Variants in SYT1 observed in about 807,000 individuals in gnomAD.
SYT1 encodes the protein synaptotagmin 1.
SYT1 carries 8 observed loss-of-function variants against 44.8 expected under a neutral mutation model. The ratio of observed to expected loss-of-function variants is 0.18; its 90% CI spans 0.10 to 0.32. The LOEUF is 0.32. SYT1 is among the 10% of genes least tolerant of loss of function. SYT1 has a pLI of 1.00. For synonymous variants in SYT1, 154 were observed against 188.8 expected (o/e 0.82, Z 1.51); for missense variants, 286 against 509.3 (o/e 0.56, Z 4.22).
In SYT1 at chr12:79,018,374, AGGAGATATACCTAAT is replaced by A. The variant is rs1286294908; in HGVS notation, c.-83-28921_-83-28907del. On this transcript the variant is annotated intron_variant, in intron 2 of 10. Coordinates refer to ENST00000261205, the MANE Select transcript of SYT1 (RefSeq NM_005639.3). ...TAGGGGAGGGGGGAGGGATAGCATT[AGGAGATATACCTAAT>A]GCTAAACACGAGTTAATGGGTGCAG... Among the ~76,000 whole-genome samples, 25 of 151,886 alleles carry A rather than the reference AGGAGATATACCTAAT, an allele frequency of 1.6e-4. No homozygotes were observed. In the Middle Eastern group the frequency reaches 0.014, roughly 83 times the overall value.
At chr12:79,373,118 T>C (rs753678989) in intron 9 of SYT1, among the ~76,000 whole-genome samples, 4 of 152,138 alleles carry the variant, frequency 2.6e-5, no homozygotes, top group South Asian at 2.1e-4. Context: ...TCTCTTTTCA[T>C]CAAAAAAAGT....
chr12:79,061,052 C>A (rs1875345547), intron 3 of SYT1, among the ~76,000 whole-genome samples: 1 of 151,954 alleles, frequency 6.6e-6, no homozygotes, highest in Admixed American at 6.6e-5. Flanking sequence ...TAAAAATTGC[C>A]ATTTCTCTAA....
intron 9 of SYT1, among the ~76,000 whole-genome samples, chr12:79,394,693 C>T (rs1884801889): frequency 6.6e-6 from 1 of 152,132 alleles, no homozygotes. Flanking sequence ...CAGCTCACAT[C>T]AATAAAATAT....
At chr12:79,072,373 A>G (rs1040226499) in intron 3 of SYT1, among the ~76,000 whole-genome samples, 2 of 152,280 alleles carry the variant, frequency 1.3e-5, no homozygotes, top group African/African-American at 2.4e-5. Context: ...TAATGTGAAT[A>G]TAATAAACTT....
At chr12:79,298,984 C>T (rs935487618) in intron 7 of SYT1, among the ~76,000 whole-genome samples, 46 of 152,054 alleles carry the variant, frequency 3.0e-4, no homozygotes, top group Admixed American at 2.7e-3. Context: ...TTATTTGCCC[C>T]TCAGTAAGTT....
intron 4 of SYT1, among the ~76,000 whole-genome samples, chr12:79,266,764 A>C (rs1878151994): frequency 6.6e-6 from 1 of 152,204 alleles, no homozygotes; most frequent in Non-Finnish European, 1.5e-5. Context: ...AAACTGATTG[A>C]CAAAAACAGA....
intron 4 of SYT1, among the ~76,000 whole-genome samples, chr12:79,278,372 A>G (rs1391765586): frequency 3.3e-5 from 5 of 152,142 alleles, no homozygotes; most frequent in African/African-American, 9.6e-5. Context: ...TCTCAAAACT[A>G]TAAAAAACAC....
chr12:78,959,784 C>T (rs1257632486), intron 1 of SYT1, among the ~76,000 whole-genome samples: 3 of 151,982 alleles, frequency 2.0e-5, no homozygotes, highest in East Asian at 1.9e-4. Flanking sequence ...GGGAGGAACT[C>T]GGTGGAAAAG....
At chr12:78,966,351 T>C (rs1416597484) in intron 1 of SYT1, among the ~76,000 whole-genome samples, 5 of 152,132 alleles carry the variant, frequency 3.3e-5, no homozygotes, top group African/African-American at 1.2e-4. Flanking sequence ...AACTCTAAGA[T>C]TGGTACCCTT....
chr12:78,944,233 A>G (rs1007502445), intron 1 of SYT1, among the ~76,000 whole-genome samples: 3 of 116,492 alleles, frequency 2.6e-5, no homozygotes, highest in African/African-American at 8.9e-5. Flanking sequence ...GTAAATTGGC[A>G]AGTACCATGC....
intron 3 of SYT1, among the ~76,000 whole-genome samples, chr12:79,069,082 A>G (rs1173123169): frequency 6.6e-6 from 1 of 152,180 alleles, no homozygotes; most frequent in African/African-American, 2.4e-5. Flanking sequence ...AGTTCAATAA[A>G]GGAAAGGCAG....
intron 1 of SYT1, among the ~76,000 whole-genome samples, chr12:78,949,440 TAGA>T (rs1878846243): frequency 6.6e-6 from 1 of 151,228 alleles, no homozygotes; most frequent in South Asian, 2.1e-4. Flanking sequence ...CAAGAAAGTT[TAGA>T]AGATGTGAGT....
intron 1 of SYT1, among the ~76,000 whole-genome samples, chr12:78,947,345 T>A (rs944215611): frequency 6.6e-6 from 1 of 152,136 alleles, no homozygotes; most frequent in Non-Finnish European, 1.5e-5. Flanking sequence ...ACATCACTCA[T>A]GTTTAGGCTA....
chr12:78,929,944 A>C (rs1436338961), intron 1 of SYT1, among the ~76,000 whole-genome samples: 1 of 152,144 alleles, frequency 6.6e-6, no homozygotes, highest in Non-Finnish European at 1.5e-5. Flanking sequence ...TCAATAAAGA[A>C]AGCTCATGTT....
intron 4 of SYT1, among the ~76,000 whole-genome samples, chr12:79,262,934 G>A (rs186328225): frequency 8.7e-4 from 133 of 152,282 alleles, no homozygotes; most frequent in Non-Finnish European, 1.6e-3. Context: ...AGAGAAAACC[G>A]AGGCATAAGA....
intron 1 of SYT1, among the ~76,000 whole-genome samples, chr12:78,971,273 ACTT>A (rs954257094): frequency 1.3e-5 from 2 of 152,210 alleles, no homozygotes; most frequent in African/African-American, 4.8e-5. Flanking sequence ...AGATGTCCAA[ACTT>A]CTTTTGAATA....
Position 79,230,645 on chromosome 12 carries a change from A to G in SYT1, c.166+12960A>G, listed in dbSNP as rs371225301. 5.3e-5 allele frequency among the ~76,000 whole-genome samples: 8 copies of G among 152,316 alleles called. No homozygotes were observed. In the East Asian group the frequency reaches 1.5e-3, roughly 29 times the overall value. ...CAAAAGTACATTCTACTGATGCTAC[A>G]TTTCAGGAAGGCTGTTTATATGTCT... On this transcript the variant is annotated intron_variant, in intron 4 of 10. Transcript: ENST00000261205.
At chr12:79,437,264 T>C (rs564992678) in intron 9 of SYT1, among the ~76,000 whole-genome samples, 35 of 152,262 alleles carry the variant, frequency 2.3e-4, no homozygotes, top group African/African-American at 6.5e-4. Context: ...GCTTTAATAA[T>C]TACATGAAGA....
At chr12:79,248,648 C>T (rs951377338) in intron 4 of SYT1, among the ~76,000 whole-genome samples, 3 of 152,108 alleles carry the variant, frequency 2.0e-5, no homozygotes, top group African/African-American at 7.2e-5. Flanking sequence ...TTACTGAAGA[C>T]TAAAATGAGA....
Sources: allele counts gnomAD v4.1 joint callset (sites outside exome capture counted in the v4.1 genomes callset), GRCh38; gene constraint gnomAD v4.1.1; transcripts MANE v1.5; gene names NCBI Gene and HGNC (gene_info 2026-07-23, HGNC 2026-07-21).